Variants in PTPRT observed in about 807,000 individuals in gnomAD.
PTPRT encodes receptor-type tyrosine-protein phosphatase T.
Under a neutral mutation model 176.8 loss-of-function variants are expected in PTPRT, and 56 were observed. The observed-to-expected ratio is 0.32, with a 90% CI of 0.26 to 0.40. PTPRT has a LOEUF of 0.40. Ranked by LOEUF, PTPRT falls within the 10% of genes least tolerant of loss-of-function variation. PTPRT has a pLI of 1.00. For missense variants in PTPRT, 1,540 were observed against 1,908.2 expected (o/e 0.81, Z 3.60); for synonymous variants, 783 against 739.0 (o/e 1.06, Z -0.96).
At chr20:42,508,127 T>TGTG (rs1555871976) in intron 7 of PTPRT, among the ~76,000 whole-genome samples, 7 of 146,702 alleles carry the variant, frequency 4.8e-5, no homozygotes, top group South Asian at 2.1e-4. Context: ...ATTACCCTTT[T>TGTG]TGTGTGTGTG....
intron 1 of PTPRT, among the ~76,000 whole-genome samples, chr20:42,930,771 T>G (rs1014511054): frequency 6.6e-6 from 1 of 152,122 alleles, no homozygotes; most frequent in Non-Finnish European, 1.5e-5. Flanking sequence ...TGAGTCACCA[T>G]GCCCAGACCC....
At chr20:42,715,413 T>C (rs975204740) in intron 6 of PTPRT, among the ~76,000 whole-genome samples, 1 of 151,980 alleles carries the variant, frequency 6.6e-6, no homozygotes, top group South Asian at 2.1e-4. Context: ...TTAAAGAAAA[T>C]TGGATATAAT....
intron 7 of PTPRT, among the ~76,000 whole-genome samples, chr20:42,651,186 G>C (rs557009126): frequency 6.6e-6 from 1 of 152,100 alleles, no homozygotes; most frequent in Non-Finnish European, 1.5e-5. Flanking sequence ...AAAGATAAAT[G>C]CCTTTACAGA....
chr20:42,085,870 G>T lies in PTPRT; in HGVS notation c.3847-17C>A, dbSNP rs1276384109. 6.2e-7 allele frequency: 1 copy of T among 1,602,830 alleles called. No homozygotes were observed. The highest frequency in any genetic ancestry group is 2.2e-5 in the East Asian group (1 of 44,638). On this transcript the variant is annotated splice_polypyrimidine_tract_variant and intron_variant, in intron 27 of 30. Coordinates refer to ENST00000373187, the MANE Select transcript of PTPRT (RefSeq NM_007050.6). ...CATACAGAACTGAGATAAGGAAAGA[G>T]GTCACAGAAGGAGCTCAAAGGCAGG... is the stretch of plus-strand genomic sequence containing the variant.
intron 7 of PTPRT, among the ~76,000 whole-genome samples, chr20:42,577,827 C>A (rs1408086745): frequency 7.1e-6 from 1 of 141,264 alleles, no homozygotes; most frequent in African/African-American, 2.8e-5. Context: ...ACCTTCAGAC[C>A]TGAGCAAGGC....
At chr20:43,141,891 C>T (rs534726669) in intron 1 of PTPRT, among the ~76,000 whole-genome samples, 1 of 152,278 alleles carries the variant, frequency 6.6e-6, no homozygotes, top group Non-Finnish European at 1.5e-5. Flanking sequence ...CATTCCAAGC[C>T]ATCCTACAAG....
At chr20:42,371,678 C>G (rs1057208755) in intron 9 of PTPRT, among the ~76,000 whole-genome samples, 13 of 152,306 alleles carry the variant, frequency 8.5e-5, no homozygotes, top group Admixed American at 3.3e-4. Flanking sequence ...CCCCAAATTG[C>G]CAAGCCCAGT....
chr20:42,047,479 G>A, the PTPRT span, among the ~76,000 whole-genome samples: 3 of 152,168 alleles, frequency 2.0e-5, no homozygotes, highest in African/African-American at 7.2e-5. Context: ...CTTGCACTGA[G>A]CTCATGGTCA....
intron 7 of PTPRT, among the ~76,000 whole-genome samples, chr20:42,619,098 T>G (rs2074138456): frequency 6.6e-6 from 1 of 151,186 alleles, no homozygotes; most frequent in Admixed American, 6.6e-5. Context: ...CTTTCCATGT[T>G]TAGCGCTTCC....
At chr20:43,017,939 TC>T (rs1344583363) in intron 1 of PTPRT, among the ~76,000 whole-genome samples, 2 of 152,114 alleles carry the variant, frequency 1.3e-5, no homozygotes, top group Non-Finnish European at 2.9e-5. Context: ...CAATTCACCC[TC>T]CATGTGGCCA....
intron 1 of PTPRT, among the ~76,000 whole-genome samples, chr20:42,937,571 T>G (rs1371789653): frequency 6.6e-6 from 1 of 152,214 alleles, no homozygotes; most frequent in Non-Finnish European, 1.5e-5. Context: ...ATAGTTTCTA[T>G]TCATTGGCTC....
intron 1 of PTPRT, among the ~76,000 whole-genome samples, chr20:42,932,908 A>G (rs185882955): frequency 6.6e-6 from 1 of 152,348 alleles, no homozygotes; most frequent in Non-Finnish European, 1.5e-5. Flanking sequence ...AGTGATAATG[A>G]AACAAGGGTC....
intron 8 of PTPRT, among the ~76,000 whole-genome samples, chr20:42,471,288 T>C (rs1878333418): frequency 6.6e-6 from 1 of 152,202 alleles, no homozygotes; most frequent in South Asian, 2.1e-4. Context: ...GTGGTTGATA[T>C]AGTTTGGGTA....
chr20:42,447,206 C>T (rs1450123575), intron 9 of PTPRT, among the ~76,000 whole-genome samples: 1 of 152,166 alleles, frequency 6.6e-6, no homozygotes, highest in East Asian at 1.9e-4. Flanking sequence ...ACTTAAGCCT[C>T]TTCGTGGGCC....
intron 12 of PTPRT, among the ~76,000 whole-genome samples, chr20:42,302,955 C>T (rs1449060170): frequency 1.3e-5 from 2 of 152,194 alleles, no homozygotes; most frequent in African/African-American, 4.8e-5. Flanking sequence ...CAATAAGCTC[C>T]CTTCCAATAC....
chr20:42,117,975 G>A (rs984379669), intron 21 of PTPRT, among the ~76,000 whole-genome samples: 3 of 152,190 alleles, frequency 2.0e-5, no homozygotes, highest in African/African-American at 7.2e-5. Context: ...TGGAAGGGCA[G>A]AGACATGGCT....
rs1424370929 is a variant in PTPRT, at chr20:42,284,307, A to G, written c.2140-1782T>C. Among the ~76,000 whole-genome samples the G allele has an allele frequency of 2.6e-5, 4 of 152,048 alleles. 1 individual carries two copies. Among genetic ancestry groups the G allele is most frequent in the Admixed American group, 2.6e-4 (4 of 15,250 alleles). On this transcript the variant is annotated intron_variant, in intron 12 of 30. Transcript: ENST00000373187. ...TCCGTCTCCCCCAACCAAAAATAAA[A>G]GTATTGGTTAGAAGCCTGCTTCTAC...
chr20:42,770,127 G>C (rs2077041485), intron 5 of PTPRT, among the ~76,000 whole-genome samples: 1 of 152,102 alleles, frequency 6.6e-6, no homozygotes, highest in South Asian at 2.1e-4. Flanking sequence ...AAGCTAGTTA[G>C]AAATAATTTT....
intron 9 of PTPRT, among the ~76,000 whole-genome samples, chr20:42,427,436 T>C (rs1041589860): frequency 2.0e-5 from 3 of 152,308 alleles, no homozygotes; most frequent in Admixed American, 1.3e-4. Flanking sequence ...TTGCTCACAA[T>C]TGAGGTTGGG....
Sources: allele counts gnomAD v4.1 joint callset (sites outside exome capture counted in the v4.1 genomes callset), GRCh38; gene constraint gnomAD v4.1.1; transcripts MANE v1.5; gene names NCBI Gene and HGNC (gene_info 2026-07-23, HGNC 2026-07-21).